SEL1L3: variants seen among roughly 807,000 people sequenced by gnomAD.
SEL1L3 encodes the protein protein sel-1 homolog 3.
SEL1L3 carries 76 observed loss-of-function variants against 142.8 expected under a neutral mutation model. The observed-to-expected ratio is 0.53, with a 90% CI of 0.44 to 0.64. The LOEUF is 0.64. Among genes scored for constraint, SEL1L3 ranks in the 30% least tolerant of loss-of-function variants. SEL1L3 has a pLI of 0.00. For synonymous variants in SEL1L3, 504 were observed against 519.6 expected, an observed-to-expected ratio of 0.97 and a Z score of 0.41; for missense variants, 1,262 against 1,381.7, an observed-to-expected ratio of 0.91 and a Z score of 1.37.
Position 25,862,716 on chromosome 4 carries a change from C to G in SEL1L3, c.121G>C (p.Gly41Arg). 3 of 1,296,366 alleles carry G rather than the reference C, an allele frequency of 2.3e-6. No individual in the cohort carries two copies. The highest frequency in any genetic ancestry group is 3.3e-5 in the East Asian group (1 of 30,734). The allele number at this position is 1,296,366 out of a possible 1,614,324, so 80.3% of individuals were successfully genotyped here. The part of the protein sequence containing the change: ...VPSGGVPQGL[G>R]GRSACALLLL... ...AGCAGCGCGCAGGCAGAGCGGCCGC[C>G]GAGGCCCTGGGGGACGCCGCCACTC... Residue 41 changes from glycine (G) to arginine (R), a missense_variant, in exon 1 of 24, where the codon GGC (glycine) becomes CGC (arginine). Coordinates refer to ENST00000399878, the MANE Select transcript of SEL1L3 (RefSeq NM_015187.5).
intron 15 of SEL1L3, 140 bp from the exon 16 acceptor site, chr4:25,779,343 TC>T: frequency 1.1e-6 from 1 of 905,850 alleles, no homozygotes; most frequent in Non-Finnish European, 1.6e-6. Flanking sequence ...AAGCAACAAT[TC>T]CAGGAAGACA....
chr4:25,861,620 T>A lies in SEL1L3; in HGVS notation c.162+1055A>T, dbSNP rs1180738252. Among the ~76,000 whole-genome samples the A allele has an allele frequency of 4.7e-5, 7 of 148,202 alleles. No individual in the cohort carries two copies. In the East Asian group the frequency reaches 1.4e-3, roughly 30 times the overall value. ...CATAAGTGAAATGAATTCTGGACAA[T>A]GACACTGCTCTTTTTTTTTTTTTTT... On this transcript the variant is annotated intron_variant, in intron 1 of 23. Transcript: ENST00000399878.
chr4:25,847,923 A>G (rs1164257528), intron 1 of SEL1L3, 59 bp from the exon 2 acceptor site: 7 of 971,188 alleles, frequency 7.2e-6, no homozygotes, highest in Non-Finnish European at 1.1e-5. Flanking sequence ...TCATCATAAC[A>G]GATACTTGAA....
At chr4:25,771,568 G>GA (rs34310605) in intron 17 of SEL1L3, among the ~76,000 whole-genome samples, 1 of 151,650 alleles carries the variant, frequency 6.6e-6, no homozygotes, top group East Asian at 1.9e-4. Context: ...CTATAAGGAT[G>GA]AAAAAAAAAT....
chr4:25,824,892 A>G (rs1577662319), intron 6 of SEL1L3, among the ~76,000 whole-genome samples: 1 of 152,214 alleles, frequency 6.6e-6, no homozygotes, highest in East Asian at 1.9e-4. Context: ...ATGGGAAAAA[A>G]TTGAGAAAAA....
At chr4:25,810,978 T>C (rs1713984023) in intron 9 of SEL1L3, among the ~76,000 whole-genome samples, 1 of 152,186 alleles carries the variant, frequency 6.6e-6, no homozygotes, top group Admixed American at 6.5e-5. Context: ...CAGCTGTGTC[T>C]TATACCAGGT....
intron 5 of SEL1L3, among the ~76,000 whole-genome samples, chr4:25,832,589 T>C (rs1715516968): frequency 1.3e-5 from 2 of 152,234 alleles, no homozygotes; most frequent in Non-Finnish European, 2.9e-5. Context: ...AAATCATTTC[T>C]TGGCTGAACT....
the SEL1L3 span, among the ~76,000 whole-genome samples, chr4:25,735,195 C>A: frequency 6.6e-6 from 1 of 152,144 alleles, no homozygotes; most frequent in African/African-American, 2.4e-5. Context: ...ATAGGCTAGT[C>A]AAGCTATCTA....
At chr4:25,768,553 T>C (rs1718920511) in intron 17 of SEL1L3, among the ~76,000 whole-genome samples, 1 of 152,194 alleles carries the variant, frequency 6.6e-6, no homozygotes, top group Non-Finnish European at 1.5e-5. Context: ...GTACATACCA[T>C]GTGGCCCTAC....
chr4:25,781,108 G>C (rs62411796), intron 15 of SEL1L3, among the ~76,000 whole-genome samples: 9 of 151,932 alleles, frequency 5.9e-5, no homozygotes, highest in Non-Finnish European at 1.3e-4. Flanking sequence ...GCCTCCCAAA[G>C]TGATGGGATT....
chr4:25,801,880 GC>G (rs911205519), intron 11 of SEL1L3, among the ~76,000 whole-genome samples: 2 of 152,130 alleles, frequency 1.3e-5, no homozygotes, highest in African/African-American at 4.8e-5. Flanking sequence ...ATTGAAAGGA[GC>G]CCTTACAGCT....
At chr4:25,715,151 T>C in the SEL1L3 span, among the ~76,000 whole-genome samples, 40 of 152,134 alleles carry the variant, frequency 2.6e-4, 1 homozygote, top group Middle Eastern at 6.8e-3. Context: ...AATCTAAAAA[T>C]ACTAAATTTT....
At chr4:25,827,462 G>A (rs1715168670) in intron 6 of SEL1L3, among the ~76,000 whole-genome samples, 1 of 152,194 alleles carries the variant, frequency 6.6e-6, no homozygotes, top group African/African-American at 2.4e-5. Flanking sequence ...GAGAGACCGG[G>A]AGCAAATCTG....
At chr4:25,804,887 C>G (rs908018207) in intron 9 of SEL1L3, 135 bp from the exon 10 acceptor site, 115 of 664,546 alleles carry the variant, frequency 1.7e-4, no homozygotes, top group Non-Finnish European at 2.7e-4. Flanking sequence ...AAATATACCA[C>G]CTTCCAGGGA....
At position 25,854,242 on chromosome 4, in the gene SEL1L3, C is replaced by T. The variant is rs941621340; in HGVS notation, c.163-6378G>A. Among the ~76,000 whole-genome samples the T allele has an allele frequency of 5.3e-5, 8 of 152,286 alleles. No homozygotes were observed. In the East Asian group the frequency reaches 1.5e-3, roughly 29 times the overall value. The stretch of plus-strand genomic sequence containing the variant: ...AAAAACAGGCAGCTGACTGGACAGG[C>T]CCACAGGCCTATAGTTTGCGAACTG... On this transcript the variant is annotated intron_variant, in intron 1 of 23. Transcript: ENST00000399878.
chr4:25,716,419 T>G, the SEL1L3 span, among the ~76,000 whole-genome samples: 5 of 152,148 alleles, frequency 3.3e-5, no homozygotes, highest in Admixed American at 2.0e-4. Flanking sequence ...GAATGTAAAT[T>G]GGTATTACCA....
chr4:25,776,245 A>G (rs1719614282), intron 17 of SEL1L3, 32 bp downstream of exon 17: 1 of 1,474,512 alleles, frequency 6.8e-7, no homozygotes, highest in South Asian at 1.2e-5. Context: ...GACAGGGAAA[A>G]AAGTTTGCTC....
chr4:25,858,024 G>A (rs1299260844), intron 1 of SEL1L3, among the ~76,000 whole-genome samples: 2 of 152,232 alleles, frequency 1.3e-5, no homozygotes, highest in Non-Finnish European at 2.9e-5. Context: ...TTCCTCATGG[G>A]CCGAACACGC....
chr4:25,758,541 G>A (rs1175241498), intron 21 of SEL1L3, among the ~76,000 whole-genome samples: 1 of 152,108 alleles, frequency 6.6e-6, no homozygotes, highest in South Asian at 2.1e-4. Flanking sequence ...GGAAATTTCT[G>A]GTCAGCCCTT....
Sources: allele counts gnomAD v4.1 joint callset (sites outside exome capture counted in the v4.1 genomes callset), GRCh38; gene constraint gnomAD v4.1.1; transcripts MANE v1.5; gene names NCBI Gene and HGNC (gene_info 2026-07-23, HGNC 2026-07-21).